Variants in CCDC80 observed in about 807,000 individuals in gnomAD.
CCDC80 encodes the protein coiled-coil domain-containing protein 80.
In CCDC80, 49 loss-of-function variants were observed where a neutral mutation model predicts 78.7. That is an observed-to-expected ratio of 0.62 (90% CI 0.50 to 0.79). The LOEUF is 0.79. Among genes scored for constraint, CCDC80 ranks in the 30% least tolerant of loss-of-function variants. The probability of loss-of-function intolerance (pLI) is 0.00; values close to 1 mark genes in which losing one functional copy is unlikely to be tolerated. For missense variants in CCDC80, 1,205 were observed against 1,198.6 expected (o/e 1.01, Z -0.08); for synonymous variants, 488 against 447.0 (o/e 1.09, Z -1.16).
In CCDC80 at chr3:112,638,599, G is replaced by C. The variant is rs770991717; in HGVS notation, c.1307C>G (p.Ala436Gly). 18 of 1,613,958 alleles carry C rather than the reference G, an allele frequency of 1.1e-5. No individual in the cohort carries two copies. Among genetic ancestry groups the C allele is most frequent in the Non-Finnish European group, 1.4e-5 (17 of 1,180,018 alleles). Reference protein sequence around the residue: ...RPQTTRRPSKATSLESFTNAP... With the variant: ...RPQTTRRPSKGTSLESFTNAP... The stretch of plus-strand genomic sequence containing the variant: ...ATTTGTGAAGCTCTCCAAGCTGGTG[G>C]CCTTGCTGGGCCTCCTGGTTGTCTG... Residue 436 changes from alanine to glycine, a missense_variant, in exon 2 of 8, where the codon GCC becomes GGC. Transcript: ENST00000206423.
rs1935348653 is a variant in CCDC80, at chr3:112,600,114, A to G, written c.*5303T>C. On this transcript the variant is annotated 3_prime_UTR_variant, in exon 8 of 8. Coordinates refer to ENST00000206423, the MANE Select transcript of CCDC80 (RefSeq NM_199511.3). ...TAGTTTATACTACCAGAAGACAGAG[A>G]TTCAGGTTAGCTAGTTTGCTAATCC... The G allele has an allele frequency of 6.6e-6, 1 of 152,232 alleles. No homozygotes were observed. The highest frequency in any genetic ancestry group is 6.5e-5 in the Admixed American group (1 of 15,286). 9.4% of individuals were successfully genotyped at this position (152,232 alleles called of 1,614,324 possible). A position where few individuals can be genotyped will look rare whatever the true frequency, so the allele number is the denominator to read the frequency against.
At chr3:112,628,776 A>G (rs1204121814) in intron 3 of CCDC80, among the ~76,000 whole-genome samples, 4 of 151,470 alleles carry the variant, frequency 2.6e-5, no homozygotes, top group Admixed American at 2.0e-4. Flanking sequence ...TCATCAATCC[A>G]CAATAATTTA....
At chr3:112,640,146 C>G (rs1936313958) in intron 1 of CCDC80, among the ~76,000 whole-genome samples, 181 bp downstream of exon 1, 1 of 152,180 alleles carries the variant, frequency 6.6e-6, no homozygotes, top group Non-Finnish European at 1.5e-5. Context: ...TTACATTAAG[C>G]AGGAAATCCA....
intron 5 of CCDC80, 160 bp from the exon 6 acceptor site, chr3:112,610,241 C>T (rs1439562469): frequency 6.0e-6 from 4 of 666,980 alleles, no homozygotes; most frequent in Non-Finnish European, 1.1e-5. Flanking sequence ...AGCCATTAAA[C>T]TGCATTGCTA....
In CCDC80 at chr3:112,605,333, G is replaced by A. The variant is rs756608552; in HGVS notation, c.*84C>T. ...AAGAAAAAGGCAGGAAATGTAGTAC[G>A]CAGTGTGGAAGAATGGAGCTGGCCA... On this transcript the variant is annotated 3_prime_UTR_variant, in exon 8 of 8. Coordinates refer to ENST00000206423, the MANE Select transcript of CCDC80 (RefSeq NM_199511.3). The A allele has an allele frequency of 3.1e-5, 27 of 860,300 alleles. No homozygotes were observed. Among genetic ancestry groups the A allele is most frequent in the African/African-American group, 2.4e-4 (14 of 59,310 alleles). The allele number at this position is 860,300 out of a possible 1,614,324, so 53.3% of individuals were successfully genotyped here. A position where few individuals can be genotyped will look rare whatever the true frequency, so the allele number is the denominator to read the frequency against.
intron 3 of CCDC80, among the ~76,000 whole-genome samples, chr3:112,622,838 T>C (rs1442610225): frequency 7.0e-6 from 1 of 142,430 alleles, no homozygotes; most frequent in Non-Finnish European, 1.5e-5. Context: ...TTTTTTTTTT[T>C]TTTTTTTTTG....
chr3:112,636,265 C>A (rs75772085), intron 2 of CCDC80, among the ~76,000 whole-genome samples: 1 of 152,282 alleles, frequency 6.6e-6, no homozygotes, highest in Non-Finnish European at 1.5e-5. Context: ...GAGTTTTACT[C>A]TGAAATCTGA....
At chr3:112,614,684 T>C (rs1195491768) in intron 5 of CCDC80, among the ~76,000 whole-genome samples, 1 of 152,206 alleles carries the variant, frequency 6.6e-6, no homozygotes, top group African/African-American at 2.4e-5. Flanking sequence ...CTTGGGTTCC[T>C]TTCAGGGCCG....
At chr3:112,628,913 A>G (rs1936034863) in intron 3 of CCDC80, among the ~76,000 whole-genome samples, 1 of 152,188 alleles carries the variant, frequency 6.6e-6, no homozygotes, top group African/African-American at 2.4e-5. Context: ...GATCTGCCGT[A>G]CAATATTGTA....
intron 3 of CCDC80, among the ~76,000 whole-genome samples, chr3:112,624,149 C>G (rs1012915400): frequency 9.9e-5 from 15 of 152,132 alleles, no homozygotes; most frequent in Non-Finnish European, 2.2e-4. Flanking sequence ...AGAAAACCCA[C>G]CATAAAACCT....
intron 3 of CCDC80, among the ~76,000 whole-genome samples, chr3:112,624,290 G>C (rs1935924020): frequency 6.6e-6 from 1 of 152,134 alleles, no homozygotes. Context: ...TATTTGTAAG[G>C]CATTTAAAAT....
At chr3:112,635,698 GTA>G (rs1051403028) in intron 2 of CCDC80, among the ~76,000 whole-genome samples, 3 of 152,192 alleles carry the variant, frequency 2.0e-5, no homozygotes, top group African/African-American at 7.2e-5. Flanking sequence ...CCTTCTGTTA[GTA>G]TTTTGTTTCT....
intron 5 of CCDC80, among the ~76,000 whole-genome samples, chr3:112,614,390 T>G (rs1451416723): frequency 6.6e-6 from 1 of 152,112 alleles, no homozygotes; most frequent in African/African-American, 2.4e-5. Context: ...TAAAGAATTT[T>G]TACCTTAAAA....
Position 112,598,088 on chromosome 3 carries a change from C to T in CCDC80, c.*7329G>A, listed in dbSNP as rs3732815. 111,768 of 152,134 alleles carry T rather than the reference C, an allele frequency of 0.73. 45,773 individuals carry two copies. The highest frequency in any genetic ancestry group is 0.92 in the Non-Finnish European group (62,372 of 68,010). 9.4% of individuals were successfully genotyped at this position (152,134 alleles called of 1,614,324 possible). ...TATCAAGGCTTTCGACTATTCCCAA[C>T]CAGGTCTTCCCAAATTTGGGCATAT... On this transcript the variant is annotated 3_prime_UTR_variant, in exon 8 of 8. Transcript: ENST00000206423.
At chr3:112,617,403 A>G (rs1334422827) in intron 4 of CCDC80, among the ~76,000 whole-genome samples, 2 of 152,252 alleles carry the variant, frequency 1.3e-5, no homozygotes, top group Non-Finnish European at 2.9e-5. Flanking sequence ...AATGAAATTC[A>G]GATTCCTGAA....
At position 112,597,887 on chromosome 3, in the gene CCDC80, T is replaced by G. The variant is rs933096688; in HGVS notation, c.*7530A>C. 5 of 152,236 alleles carry G rather than the reference T, an allele frequency of 3.3e-5. No homozygotes were observed. The highest frequency in any genetic ancestry group is 6.5e-5 in the Admixed American group (1 of 15,286). The allele number at this position is 152,236 out of a possible 1,614,324, so 9.4% of individuals were successfully genotyped here. On this transcript the variant is annotated 3_prime_UTR_variant, in exon 8 of 8. Coordinates refer to ENST00000206423, the MANE Select transcript of CCDC80 (RefSeq NM_199511.3). ...AACGGCGTACCTAACTGTTCTCTAC[T>G]AGTCTGAGCCTCTGTACAGAGAAAT...
In CCDC80 at chr3:112,630,258, A is replaced by T. The variant is rs770473994; in HGVS notation, c.1890T>A (p.Ala630=). 6.2e-7 allele frequency: 1 copy of T among 1,613,598 alleles called. No individual in the cohort carries two copies. The highest frequency in any genetic ancestry group is 1.3e-5 in the African/African-American group (1 of 74,860). ...CATACATATTGTTCTCAGCCTTGGG[A>T]GCAGTGATCAGCTGGAGGTGGGTGA... ...EGKRRLLLIT[A]PKAENNMYVQ... Residue 630 remains alanine (A), a synonymous_variant, in exon 3 of 8, where the codon GCT becomes GCA. Transcript: ENST00000206423.
At position 112,638,593 on chromosome 3, in the gene CCDC80, C is replaced by G. The variant is rs1448024050; in HGVS notation, c.1313G>C (p.Ser438Thr). The G allele has an allele frequency of 6.2e-7, 1 of 1,614,090 alleles. No homozygotes were observed. The highest frequency in any genetic ancestry group is 8.5e-7 in the Non-Finnish European group (1 of 1,180,028). ...AGGGGCATTTGTGAAGCTCTCCAAGCTGGTGGCCTTGCTGGGCCTCCTGGT... is the reference window on the plus strand; with the variant it reads ...AGGGGCATTTGTGAAGCTCTCCAAGGTGGTGGCCTTGCTGGGCCTCCTGGT... ...QTTRRPSKAT[S>T]LESFTNAPPT... The change falls in exon 2 of 8, where the codon AGC becomes ACC. Residue 438 changes from serine (S) to threonine (T), a missense_variant. Physicochemically the swap from Ser to Thr is moderately conservative, Grantham distance 58 (BLOSUM62 1). Transcript: ENST00000206423.
At chr3:112,626,349 A>G (rs1357540017) in intron 3 of CCDC80, among the ~76,000 whole-genome samples, 2 of 152,154 alleles carry the variant, frequency 1.3e-5, no homozygotes, top group African/African-American at 2.4e-5. Flanking sequence ...CACTGTCACC[A>G]CTGATGAAAG....
Sources: allele counts gnomAD v4.1 joint callset (sites outside exome capture counted in the v4.1 genomes callset), GRCh38; gene constraint gnomAD v4.1.1; transcripts MANE v1.5; gene names NCBI Gene and HGNC (gene_info 2026-07-23, HGNC 2026-07-21).